UXS1: variants seen among roughly 807,000 people sequenced by gnomAD.
UXS1 encodes the protein UDP-glucuronate decarboxylase 1.
In UXS1, 33 loss-of-function variants were observed where a neutral mutation model predicts 62.6. That is an observed-to-expected ratio of 0.53 (90% CI 0.40 to 0.70). The LOEUF (loss-of-function observed/expected upper bound fraction) is 0.70. UXS1 is among the 30% of genes least tolerant of loss of function. The pLI is 0.00. For missense variants in UXS1, 434 were observed against 556.3 expected (o/e 0.78, Z 2.21); for synonymous variants, 213 against 206.8 (o/e 1.03, Z -0.26).
intron 10 of UXS1, 49 bp downstream of exon 10, chr2:106,112,597 A>G: frequency 6.2e-7 from 1 of 1,604,788 alleles, no homozygotes; most frequent in Non-Finnish European, 8.5e-7. Context: ...TTGTGAGCTG[A>G]CTTCGATTTG....
chr2:106,170,857 CTTGAG>C (rs933966290), intron 1 of UXS1, among the ~76,000 whole-genome samples: 4 of 152,326 alleles, frequency 2.6e-5, no homozygotes, highest in African/African-American at 9.6e-5. Flanking sequence ...TTGCAACCTG[CTTGAG>C]TTATTTTGAC....
In UXS1 at chr2:106,182,000, T is replaced by C. The variant is rs147686560; in HGVS notation, c.94+12148A>G. Among the ~76,000 whole-genome samples the C allele has an allele frequency of 1.3e-3, 205 of 152,356 alleles. 1 individual carries two copies. The highest frequency in any genetic ancestry group is 4.6e-3 in the African/African-American group (192 of 41,588). ...AGATGGATTATGACTTCAGGGCTCA[T>C]TTTATTGCTTACTGTTAAGAAGTTT... is the stretch of plus-strand genomic sequence containing the variant. On this transcript the variant is annotated intron_variant, in intron 1 of 14. Transcript: ENST00000283148.
chr2:106,186,752 A>C (rs1020680469), intron 1 of UXS1, among the ~76,000 whole-genome samples: 2 of 152,176 alleles, frequency 1.3e-5, no homozygotes, highest in Non-Finnish European at 2.9e-5. Flanking sequence ...CAGGATTTTG[A>C]GGCTGCAGTG....
chr2:106,174,337 T>C (rs1350692860), intron 1 of UXS1, among the ~76,000 whole-genome samples: 1 of 152,108 alleles, frequency 6.6e-6, no homozygotes, highest in Non-Finnish European at 1.5e-5. Context: ...TCTGAGCAAA[T>C]CTGGAAGCAG....
At chr2:106,158,901 AGACT>A (rs1352098221) in intron 4 of UXS1, among the ~76,000 whole-genome samples, 5 of 152,206 alleles carry the variant, frequency 3.3e-5, no homozygotes, top group African/African-American at 4.8e-5. Flanking sequence ...TTTGGCAGAC[AGACT>A]AAGAGATGTC....
At chr2:106,118,421 G>A (rs144345560) in intron 9 of UXS1, among the ~76,000 whole-genome samples, 5 of 141,782 alleles carry the variant, frequency 3.5e-5, no homozygotes, top group Admixed American at 2.8e-4. Flanking sequence ...AGCCCAGTGG[G>A]TGGGCCACAG....
intron 9 of UXS1, among the ~76,000 whole-genome samples, chr2:106,116,599 T>C (rs957276814): frequency 1.3e-5 from 2 of 152,204 alleles, no homozygotes; most frequent in African/African-American, 4.8e-5. Context: ...CCCCTTTTCC[T>C]CTCCCCGTGT....
chr2:106,190,946 A>C (rs76308548), intron 1 of UXS1, among the ~76,000 whole-genome samples: 15,542 of 142,168 alleles, frequency 0.11, 1,213 homozygotes, highest in East Asian at 0.32. Flanking sequence ...CAAAGGGCAG[A>C]AACTGAGTTC....
chr2:106,099,679 G>T (rs1677425407), intron 12 of UXS1, among the ~76,000 whole-genome samples: 1 of 152,210 alleles, frequency 6.6e-6, no homozygotes, highest in African/African-American at 2.4e-5. Context: ...GAGCCTGGCT[G>T]CCCAGGGAAG....
rs1416405092 is a variant in UXS1 at position 106,125,632 on chromosome 2, C to T, written c.625G>A (p.Glu209Lys). The T allele has an allele frequency of 5.1e-6, 8 of 1,576,854 alleles. No homozygotes were observed. The highest frequency in any genetic ancestry group is 6.9e-6 in the Non-Finnish European group (8 of 1,161,042). The change falls in exon 8 of 15, where the codon GAG becomes AAG. Residue 209 changes from glutamate (E) to lysine (K), a missense_variant. By Grantham distance (56) the Glu-to-Lys change is moderately conservative. Around this residue, in one of 3 missense-constraint regions of UXS1, gnomAD observed 134 missense variants for 251.9 expected, o/e 0.53. Coordinates refer to ENST00000283148, the MANE Select transcript of UXS1 (RefSeq NM_001253875.2). ...GARLLLASTS[E>K]VYGDPEVHPQ... ...GCCTCCTACTCACCTCCATACACCTCCGATGTGGAGGCCAGGAGCAGACGG... is the reference window on the plus strand; with the variant it reads ...GCCTCCTACTCACCTCCATACACCTTCGATGTGGAGGCCAGGAGCAGACGG...
chr2:106,106,094 G>GT (rs764062650), intron 10 of UXS1, among the ~76,000 whole-genome samples: 8 of 152,188 alleles, frequency 5.3e-5, no homozygotes, highest in Non-Finnish European at 1.2e-4. Flanking sequence ...GCCTGGCGCG[G>GT]TGGCTCAAGC....
chr2:106,166,840 G>A (rs1049486696), intron 1 of UXS1, among the ~76,000 whole-genome samples: 12 of 151,730 alleles, frequency 7.9e-5, no homozygotes, highest in African/African-American at 2.7e-4. Flanking sequence ...CATGTGTTTT[G>A]ATAAACAGTA....
In UXS1 at chr2:106,105,825, GT is replaced by G. The variant is rs563980320; in HGVS notation, c.880-989del. On this transcript the variant is annotated intron_variant, in intron 10 of 14. Transcript: ENST00000283148. ...CACAGGAACAAGAGTGCCCTCGGGG[GT>G]TTTGTTTGCTTGTGTACCTCCCTGT... is the stretch of plus-strand genomic sequence containing the variant. 1.2e-3 allele frequency among the ~76,000 whole-genome samples: 181 copies of G among 152,350 alleles called. 1 individual carries two copies. In the Middle Eastern group the frequency reaches 0.017, roughly 14 times the overall value.
At chr2:106,187,775 T>A (rs1684658987) in intron 1 of UXS1, among the ~76,000 whole-genome samples, 1 of 151,976 alleles carries the variant, frequency 6.6e-6, no homozygotes, top group Non-Finnish European at 1.5e-5. Flanking sequence ...GAGTTTCGCT[T>A]TTGTTGCCCA....
At chr2:106,106,916 T>G (rs1355879160) in intron 10 of UXS1, among the ~76,000 whole-genome samples, 2 of 152,234 alleles carry the variant, frequency 1.3e-5, no homozygotes, top group Admixed American at 1.3e-4. Context: ...GAGTGAAATT[T>G]ATCTTGACTC....
chr2:106,116,311 C>T (rs1573436527), intron 9 of UXS1, among the ~76,000 whole-genome samples: 1 of 152,230 alleles, frequency 6.6e-6, no homozygotes, highest in East Asian at 1.9e-4. Context: ...CAGATATTTG[C>T]ATAATCAACA....
chr2:106,095,736 C>G (rs932097635), intron 14 of UXS1, among the ~76,000 whole-genome samples: 1 of 152,196 alleles, frequency 6.6e-6, no homozygotes, highest in African/African-American at 2.4e-5. Flanking sequence ...AACAGCCAGG[C>G]AGAGGTGACA....
chr2:106,139,111 A>C (rs1680888291), intron 6 of UXS1, among the ~76,000 whole-genome samples: 1 of 152,160 alleles, frequency 6.6e-6, no homozygotes, highest in Non-Finnish European at 1.5e-5. Context: ...CACAGTTCAG[A>C]GTACACCAAG....
Position 106,112,743 on chromosome 2 carries a change from G to A in UXS1, c.782C>T (p.Ala261Val). 1.2e-6 allele frequency: 2 copies of A among 1,613,918 alleles called. No individual in the cohort carries two copies. The highest frequency in any genetic ancestry group is 1.7e-6 in the Non-Finnish European group (2 of 1,179,886). Residue 261 changes from alanine to valine, a missense_variant, in exon 10 of 15, where the codon GCC becomes GTC. Around this residue, in one of 3 missense-constraint regions of UXS1, gnomAD observed 209 missense variants for 233.3 expected, o/e 0.90. Transcript: ENST00000283148. ...MKQEGVEVRVARIFNTFGPRM... is the reference protein window; with the variant it reads ...MKQEGVEVRVVRIFNTFGPRM... ...TGGCCCAAAGGTGTTGAAGATTCTG[G>A]CCACTCGCACTTCCACGCCTTCCTG...
Sources: allele counts gnomAD v4.1 joint callset (sites outside exome capture counted in the v4.1 genomes callset), GRCh38; gene constraint gnomAD v4.1.1; regional missense constraint gnomAD v4.1.1; transcripts MANE v1.5; gene names NCBI Gene and HGNC (gene_info 2026-07-23, HGNC 2026-07-21).